The following CAST variants were observed in gnomAD, a reference collection of about 807,000 sequenced individuals.
The protein encoded by CAST is MIR583 host.
A neutral mutation model predicts 119.6 loss-of-function variants in CAST; 76 were observed. The ratio of observed to expected loss-of-function variants is 0.64; its 90% CI spans 0.53 to 0.77. CAST has a LOEUF of 0.77. CAST is among the 30% of genes least tolerant of loss of function. CAST has a pLI of 0.00. For missense variants in CAST, 953 were observed against 946.5 expected (o/e 1.01, Z -0.09); for synonymous variants, 319 against 331.6 (o/e 0.96, Z 0.41).
At chr5:96,354,004 G>T in the CAST span, among the ~76,000 whole-genome samples, 1 of 152,094 alleles carries the variant, frequency 6.6e-6, no homozygotes, top group South Asian at 2.1e-4. Context: ...CATCCTTCCA[G>T]CTTCTCAGGC....
the CAST span, among the ~76,000 whole-genome samples, chr5:96,157,351 G>C: frequency 1.3e-5 from 2 of 152,208 alleles, no homozygotes; most frequent in Non-Finnish European, 2.9e-5. Context: ...TGGATAATAG[G>C]ATTTAATTTG....
chr5:96,660,147 C>T (rs565392103), upstream of CAST, among the ~76,000 whole-genome samples: 45 of 152,164 alleles, frequency 3.0e-4, no homozygotes, highest in Non-Finnish European at 5.4e-4. Flanking sequence ...ATAGACCCTC[C>T]GCTCCAGCCA....
the CAST span, among the ~76,000 whole-genome samples, chr5:96,162,818 G>A: frequency 6.6e-6 from 1 of 152,100 alleles, no homozygotes; most frequent in Non-Finnish European, 1.5e-5. Context: ...AATATTTGTT[G>A]ATGATTTTTG....
At chr5:96,450,912 T>C in the CAST span, among the ~76,000 whole-genome samples, 33 of 152,306 alleles carry the variant, frequency 2.2e-4, 1 homozygote, top group Admixed American at 2.0e-3. Flanking sequence ...TAGCTAATCT[T>C]AGCAGTCACT....
At chr5:96,231,555 T>G in the CAST span, among the ~76,000 whole-genome samples, 1 of 152,112 alleles carries the variant, frequency 6.6e-6, no homozygotes, top group Non-Finnish European at 1.5e-5. Context: ...GTTTTAAAAT[T>G]AGATTTGAGT....
chr5:96,497,232 T>A, the CAST span, among the ~76,000 whole-genome samples: 1 of 152,180 alleles, frequency 6.6e-6, no homozygotes, highest in African/African-American at 2.4e-5. Flanking sequence ...GGTGTATATG[T>A]GCCACATTTT....
At chr5:96,592,272 G>A (rs1255345289) in intron 1 of CAST, among the ~76,000 whole-genome samples, 1 of 151,896 alleles carries the variant, frequency 6.6e-6, no homozygotes, top group Non-Finnish European at 1.5e-5. Context: ...GTGGTGATGT[G>A]CGCCTTTGGT....
the CAST span, among the ~76,000 whole-genome samples, chr5:96,124,835 T>C: frequency 1.3e-5 from 2 of 152,196 alleles, no homozygotes; most frequent in East Asian, 3.8e-4. Flanking sequence ...CTGAGGGTTA[T>C]AGCAACTATT....
chr5:96,027,875 C>A, the CAST span, among the ~76,000 whole-genome samples: 2 of 152,002 alleles, frequency 1.3e-5, no homozygotes, highest in African/African-American at 4.8e-5. Context: ...AAAGCAACTG[C>A]GACCTGCCTG....
chr5:96,561,446 G>C (rs529725779), intron 1 of CAST, among the ~76,000 whole-genome samples: 2 of 151,196 alleles, frequency 1.3e-5, no homozygotes, highest in African/African-American at 4.9e-5. Flanking sequence ...ACCTTCATTC[G>C]CAGCAAACTA....
chr5:96,269,108 TTC>T, the CAST span, among the ~76,000 whole-genome samples: 5 of 152,194 alleles, frequency 3.3e-5, no homozygotes, highest in Non-Finnish European at 5.9e-5. Context: ...TTAAAGCTCT[TTC>T]TCTCTCTTTT....
chr5:96,532,407 T>C (rs1745706078), intron 1 of CAST, among the ~76,000 whole-genome samples: 1 of 152,030 alleles, frequency 6.6e-6, no homozygotes, highest in Non-Finnish European at 1.5e-5. Flanking sequence ...GGAAACAACT[T>C]ACAAAGAATC....
At chr5:96,394,268 AG>A in the CAST span, among the ~76,000 whole-genome samples, 1 of 152,240 alleles carries the variant, frequency 6.6e-6, no homozygotes, top group Non-Finnish European at 1.5e-5. Flanking sequence ...ATCTGATAGA[AG>A]GAAGCCAGGA....
In CAST at chr5:96,762,315, G is replaced by T. The variant is rs755290356; in HGVS notation, c.1875G>T (p.Val625=). ...AACTTGCTGCTGCCATCTCTGAAGT[G>T]GTTTCCCAAACCCCAGCTTCAACGA... ...DAKLAAAISE[V]VSQTPASTTQ... The change falls in exon 25 of 32, where the codon GTG becomes GTT. Residue 625 remains valine (V), a synonymous_variant. Coordinates refer to ENST00000675179, the MANE Select transcript of CAST (RefSeq NM_001750.7). 2 of 1,608,836 alleles carry T rather than the reference G, an allele frequency of 1.2e-6. No individual in the cohort carries two copies. The highest frequency in any genetic ancestry group is 2.2e-5 in the South Asian group (2 of 90,146).
the CAST span, among the ~76,000 whole-genome samples, chr5:96,184,347 C>CT: frequency 6.6e-6 from 1 of 152,146 alleles, no homozygotes; most frequent in Non-Finnish European, 1.5e-5. Flanking sequence ...ACTCTCTTTT[C>CT]TTTTTTCTTC....
chr5:96,425,060 GA>G, the CAST span, among the ~76,000 whole-genome samples: 2 of 126,498 alleles, frequency 1.6e-5, no homozygotes, highest in Admixed American at 1.5e-4. Flanking sequence ...AAGAAAGAAA[GA>G]AAGAAAGAAA....
chr5:96,346,094 C>T, the CAST span, among the ~76,000 whole-genome samples: 1 of 152,092 alleles, frequency 6.6e-6, no homozygotes, highest in Non-Finnish European at 1.5e-5. Context: ...TGGGTGGTGC[C>T]AGTAGGCTAA....
the CAST span, among the ~76,000 whole-genome samples, chr5:96,355,233 A>G: frequency 1.7e-5 from 2 of 114,994 alleles, no homozygotes; most frequent in Admixed American, 1.2e-4. Flanking sequence ...CCCTGTGTCC[A>G]TGTGTTCTCC....
chr5:96,484,994 A>G, the CAST span, among the ~76,000 whole-genome samples: 2 of 152,212 alleles, frequency 1.3e-5, no homozygotes, highest in Admixed American at 1.3e-4. Context: ...ATTGAAGTAA[A>G]CAATTGAGAA....
Sources: gnomAD v4.1 joint callset for allele counts (sites outside exome capture counted in the v4.1 genomes callset) on GRCh38, gnomAD v4.1.1 for gene constraint, MANE v1.5 for transcripts, NCBI Gene and HGNC (gene_info 2026-07-23, HGNC 2026-07-21) for gene names.